The following RGS17 variants were observed in gnomAD, a reference collection of about 807,000 sequenced individuals.
The protein encoded by RGS17 is regulator of G protein signaling 17, also known as regulator of G-protein signaling 17.
RGS17 carries 12 observed loss-of-function variants against 25.5 expected under a neutral mutation model. The observed-to-expected ratio is 0.47, with a 90% CI of 0.30 to 0.76. The LOEUF (loss-of-function observed/expected upper bound fraction) is 0.76. RGS17 is among the 30% of genes least tolerant of loss of function. The pLI, the probability that RGS17 is intolerant of heterozygous loss-of-function variation, is 0.07. For synonymous variants in RGS17, 71 were observed against 76.9 expected (o/e 0.92, Z 0.40); for missense variants, 196 against 242.2 (o/e 0.81, Z 1.27).
At chr6:153,027,266 T>G (rs138039792) in intron 2 of RGS17, among the ~76,000 whole-genome samples, 171 of 152,172 alleles carry the variant, frequency 1.1e-3, no homozygotes, top group African/African-American at 4.0e-3. Flanking sequence ...AAGGTTTTAG[T>G]AGCCCAGAAC....
chr6:153,011,748 A>G lies in RGS17; in HGVS notation c.459T>C (p.Ser153=). The G allele has an allele frequency of 6.2e-7, 1 of 1,606,738 alleles. No homozygotes were observed. Among genetic ancestry groups the G allele is most frequent in the Non-Finnish European group, 8.5e-7 (1 of 1,177,962 alleles). The change falls in exon 5 of 5, where the codon TCT becomes TCC. Residue 153 remains serine, a synonymous_variant. Coordinates refer to ENST00000206262, the MANE Select transcript of RGS17 (RefSeq NM_012419.5). ...ILSPKEVSLD[S]RVREVINRNL... Reference sequence around the variant, plus strand: ...TTCTATTGATCACCTCTCTAACTCGAGAATCAAGACTGACCTAAAAAGAAA... The same window carrying G: ...TTCTATTGATCACCTCTCTAACTCGGGAATCAAGACTGACCTAAAAAGAAA...
intron 1 of RGS17, among the ~76,000 whole-genome samples, chr6:153,089,407 A>C (rs1190126591): frequency 6.6e-6 from 1 of 152,194 alleles, no homozygotes; most frequent in African/African-American, 2.4e-5. Context: ...AAATGAAAAT[A>C]ATGGATCTAA....
intron 1 of RGS17, among the ~76,000 whole-genome samples, chr6:153,129,808 T>C (rs1034716024): frequency 2.6e-5 from 4 of 152,216 alleles, no homozygotes; most frequent in Admixed American, 6.5e-5. Context: ...GAAGCATTTA[T>C]GGAAAGGTCA....
At chr6:153,080,118 A>C (rs1194162751) in intron 1 of RGS17, among the ~76,000 whole-genome samples, 1 of 152,092 alleles carries the variant, frequency 6.6e-6, no homozygotes, top group Admixed American at 6.5e-5. Flanking sequence ...AGTAGCTGGG[A>C]CTACAGGCAC....
chr6:153,070,755 GTGTA>G (rs1447100776), intron 1 of RGS17, among the ~76,000 whole-genome samples: 1 of 150,724 alleles, frequency 6.6e-6, no homozygotes, highest in Non-Finnish European at 1.5e-5. Flanking sequence ...ACGTATATGT[GTGTA>G]TGTATATACA....
chr6:153,043,662 C>T (rs1776349540), intron 2 of RGS17, among the ~76,000 whole-genome samples: 1 of 152,040 alleles, frequency 6.6e-6, no homozygotes, highest in Admixed American at 6.6e-5. Flanking sequence ...ATATAAAACA[C>T]CTCTTCATTT....
intron 1 of RGS17, among the ~76,000 whole-genome samples, chr6:153,064,847 G>T (rs1776686043): frequency 6.6e-6 from 1 of 152,024 alleles, no homozygotes. Context: ...CATGTCACCA[G>T]AGAAAATCAC....
intron 1 of RGS17, among the ~76,000 whole-genome samples, chr6:153,058,426 T>C (rs1362865333): frequency 6.6e-6 from 1 of 152,220 alleles, no homozygotes; most frequent in Non-Finnish European, 1.5e-5. Context: ...TATTTCACCA[T>C]TGACACTGTA....
chr6:153,082,593 A>C (rs1304936627), intron 1 of RGS17, among the ~76,000 whole-genome samples: 2 of 152,082 alleles, frequency 1.3e-5, no homozygotes, highest in Non-Finnish European at 2.9e-5. Flanking sequence ...GTTTTCATTT[A>C]AATTCCTAAA....
chr6:153,050,552 T>C (rs1278926892), intron 1 of RGS17, among the ~76,000 whole-genome samples: 1 of 152,212 alleles, frequency 6.6e-6, no homozygotes, highest in Admixed American at 6.5e-5. Flanking sequence ...AATTTTCCAC[T>C]GTTAAAAAGT....
At chr6:153,124,759 T>C (rs1242982710) in intron 1 of RGS17, among the ~76,000 whole-genome samples, 1 of 152,202 alleles carries the variant, frequency 6.6e-6, no homozygotes, top group African/African-American at 2.4e-5. Context: ...TTTTACTTCA[T>C]GTGAATTAAA....
At chr6:153,018,360 A>G (rs976313651) in intron 4 of RGS17, among the ~76,000 whole-genome samples, 4 of 152,238 alleles carry the variant, frequency 2.6e-5, no homozygotes, top group Admixed American at 2.0e-4. Context: ...TCTACCAGAT[A>G]TATTTATAAT....
At chr6:153,047,642 A>G (rs1440134653) in intron 1 of RGS17, among the ~76,000 whole-genome samples, 1 of 152,172 alleles carries the variant, frequency 6.6e-6, no homozygotes, top group Non-Finnish European at 1.5e-5. Context: ...GAGGCCAGGG[A>G]ACTGGATTGC....
chr6:153,052,923 C>G (rs138496688), intron 1 of RGS17, among the ~76,000 whole-genome samples: 8 of 152,180 alleles, frequency 5.3e-5, no homozygotes, highest in African/African-American at 1.9e-4. Flanking sequence ...CCAGATTACT[C>G]TCCTGCTCTC....
At chr6:153,046,911 T>G (rs998579475) in intron 1 of RGS17, among the ~76,000 whole-genome samples, 1 of 151,950 alleles carries the variant, frequency 6.6e-6, no homozygotes, top group Non-Finnish European at 1.5e-5. Context: ...CTGAGTAGGA[T>G]GAATAAAAAT....
intron 4 of RGS17, among the ~76,000 whole-genome samples, chr6:153,014,559 G>A (rs1779164150): frequency 6.6e-6 from 1 of 152,176 alleles, no homozygotes; most frequent in South Asian, 2.1e-4. Flanking sequence ...AGCACTTTGG[G>A]AGGCTGAAGT....
chr6:153,017,074 G>T lies in RGS17; in HGVS notation c.445-5312C>A, dbSNP rs181903384. On this transcript the variant is annotated intron_variant, in intron 4 of 4. Transcript: ENST00000206262. ...GTCTCCTCTTATCTCAGGCCACAAA[G>T]ACCCATACCAAGGTGGTGTGGAGAA... Among the ~76,000 whole-genome samples, 388 of 152,288 alleles carry T rather than the reference G, an allele frequency of 2.5e-3. 2 individuals are homozygous for T. The highest frequency in any genetic ancestry group is 4.6e-3 in the Non-Finnish European group (312 of 68,022).
At position 153,080,132 on chromosome 6, in the gene RGS17, C is replaced by G. The variant is rs112242299; in HGVS notation, c.-25-36089G>C. ...GAGTAGCTGGGACTACAGGCACACA[C>G]CACCATACCCAGCTAATTTTTGTAT... On this transcript the variant is annotated intron_variant, in intron 1 of 4. Coordinates refer to ENST00000206262, the MANE Select transcript of RGS17 (RefSeq NM_012419.5). 7.6e-3 allele frequency among the ~76,000 whole-genome samples: 1,159 copies of G among 152,248 alleles called. 12 individuals are homozygous for G. The highest frequency in any genetic ancestry group is 0.027 in the African/African-American group (1,104 of 41,528).
chr6:153,010,264 C>T lies in RGS17; in HGVS notation c.*1310G>A, dbSNP rs1367109092. The T allele has an allele frequency of 1.3e-5, 2 of 151,846 alleles. No homozygotes were observed. The highest frequency in any genetic ancestry group is 4.8e-5 in the African/African-American group (2 of 41,400). 9.4% of individuals were successfully genotyped at this position (151,846 alleles called of 1,614,324 possible). A position where few individuals can be genotyped will look rare whatever the true frequency, so the allele number is the denominator to read the frequency against. On this transcript the variant is annotated 3_prime_UTR_variant, in exon 5 of 5. Coordinates refer to ENST00000206262, the MANE Select transcript of RGS17 (RefSeq NM_012419.5). Reference sequence around the variant, plus strand: ...GATTATTTTAATTATCACTTTTATGCATGACAGAATATTGTTTCCTTGAAG... The same window carrying T: ...GATTATTTTAATTATCACTTTTATGTATGACAGAATATTGTTTCCTTGAAG...
Sources: allele counts gnomAD v4.1 joint callset (sites outside exome capture counted in the v4.1 genomes callset), GRCh38; gene constraint gnomAD v4.1.1; transcripts MANE v1.5; gene names NCBI Gene and HGNC (gene_info 2026-07-23, HGNC 2026-07-21).